Variants in PDE10A observed in about 807,000 individuals in gnomAD.
PDE10A encodes the protein phosphodiesterase 10A.
A neutral mutation model predicts 97.7 loss-of-function variants in PDE10A; 39 were observed. That is an observed-to-expected ratio of 0.40 (90% CI 0.31 to 0.52). PDE10A has a LOEUF of 0.52. Ranked by LOEUF, PDE10A falls within the 20% of genes least tolerant of loss-of-function variation. The probability of loss-of-function intolerance (pLI) is 0.56; values close to 1 mark genes in which losing one functional copy is unlikely to be tolerated. For missense variants in PDE10A, 731 were observed against 1,047.8 expected, an observed-to-expected ratio of 0.70 and a Z score of 4.17; for synonymous variants, 371 against 376.8, an observed-to-expected ratio of 0.98 and a Z score of 0.18.
intron 1 of PDE10A, among the ~76,000 whole-genome samples, chr6:165,804,458 T>C (rs1779062105): frequency 6.6e-6 from 1 of 152,220 alleles, no homozygotes; most frequent in African/African-American, 2.4e-5. Flanking sequence ...AACAAGAATG[T>C]TCACGTCCTT....
At chr6:165,573,068 A>T (rs1166347364) in intron 1 of PDE10A, among the ~76,000 whole-genome samples, 1 of 152,152 alleles carries the variant, frequency 6.6e-6, no homozygotes, top group Non-Finnish European at 1.5e-5. Flanking sequence ...GGCTATTTAG[A>T]TTTTCAGGTC....
Position 165,711,649 on chromosome 6 carries a change from C to T in PDE10A, c.-614-168081G>A, listed in dbSNP as rs80298061. 1.0e-3 allele frequency among the ~76,000 whole-genome samples: 152 copies of T among 152,218 alleles called. No individual in the cohort carries two copies. Among genetic ancestry groups the T allele is most frequent in the African/African-American group, 3.4e-3 (142 of 41,554 alleles). On this transcript the variant is annotated intron_variant, in intron 1 of 19. Coordinates refer to the PDE10A transcript ENST00000366882. This position sits in a 1 kb window ranked among gnomAD's most constrained non-coding sequence, Gnocchi z 4.5. ...AATGAGATGAAGGTAAGAGAAGAAA[C>T]GAAGATGAAAAGTGAGACTCAGGAA...
chr6:165,352,647 GA>G (rs761081382), intron 18 of PDE10A, among the ~76,000 whole-genome samples: 2,034 of 142,694 alleles, frequency 0.014, 14 homozygotes, highest in Admixed American at 0.021. Context: ...ACATCTGCAT[GA>G]AAAAAAAAAA....
chr6:165,567,993 C>CCTTTTTTTTTTTTTTTTTTTTTTT (rs370865492), intron 1 of PDE10A, among the ~76,000 whole-genome samples: 1 of 115,602 alleles, frequency 8.7e-6, no homozygotes, highest in African/African-American at 3.2e-5. Context: ...CGCAACAAGG[C>CCTTTTTTTTTTTTTTTTTTTTTTT]ATTTTTTTTT....
At chr6:165,658,362 C>A (rs1790068612) in intron 1 of PDE10A, among the ~76,000 whole-genome samples, 1 of 152,346 alleles carries the variant, frequency 6.6e-6, no homozygotes, top group Middle Eastern at 3.4e-3. Context: ...TATCCGCAGT[C>A]TGCATTCACC....
intron 1 of PDE10A, among the ~76,000 whole-genome samples, chr6:165,857,184 G>C (rs1001657488): frequency 6.6e-6 from 1 of 152,114 alleles, no homozygotes; most frequent in Non-Finnish European, 1.5e-5. Context: ...GGTTGAGTTT[G>C]CCATCCCAGG....
At chr6:165,880,529 C>T (rs1445212268) in intron 1 of PDE10A, among the ~76,000 whole-genome samples, 1 of 152,202 alleles carries the variant, frequency 6.6e-6, no homozygotes, top group African/African-American at 2.4e-5. Context: ...TTGCCCTGAA[C>T]ACCTCCAGTT....
At chr6:165,742,326 T>A (rs1034407052) in intron 1 of PDE10A, among the ~76,000 whole-genome samples, 1 of 152,172 alleles carries the variant, frequency 6.6e-6, no homozygotes, top group Non-Finnish European at 1.5e-5. Flanking sequence ...CTGTTTCCCG[T>A]CCTTTGCATA....
chr6:165,708,330 C>G, intron 1 of PDE10A, among the ~76,000 whole-genome samples: 1 of 152,112 alleles, frequency 6.6e-6, no homozygotes, highest in East Asian at 1.9e-4. Flanking sequence ...CCCTCTCAGC[C>G]TCACTGTGCC....
rs1562687327 is a variant in PDE10A, at chr6:165,691,203, C to CACACACACACA, written c.-614-147636_-614-147635insTGTGTGTGTGT. Reference sequence around the variant, plus strand: ...TCTCTCTCTCCCTCTCTCTCTCTCCCCACACACACACACACACACACACAC... The same window carrying CACACACACACA: ...TCTCTCTCTCCCTCTCTCTCTCTCCCACACACACACACACACACACACACACACACACACAC... On this transcript the variant is annotated intron_variant, in intron 1 of 19. Transcript: ENST00000366882. Among the ~76,000 whole-genome samples, 133 of 108,648 alleles carry CACACACACACA rather than the reference C, an allele frequency of 1.2e-3. 5 individuals carry two copies. Among genetic ancestry groups the CACACACACACA allele is most frequent in the African/African-American group, 5.7e-3 (127 of 22,222 alleles). The allele number at this position is 108,648 out of a possible 152,430, so 71.3% of individuals were successfully genotyped here.
At chr6:165,422,795 A>C (rs2128233378) in intron 10 of PDE10A, among the ~76,000 whole-genome samples, 3 of 152,272 alleles carry the variant, frequency 2.0e-5, no homozygotes, top group Middle Eastern at 3.4e-3. Flanking sequence ...AATCATTAAA[A>C]CTATACTAAA....
intron 1 of PDE10A, among the ~76,000 whole-genome samples, chr6:165,687,119 C>T (rs1025011034): frequency 1.3e-5 from 2 of 152,238 alleles, no homozygotes; most frequent in Non-Finnish European, 2.9e-5. Flanking sequence ...ATCTCCCTCG[C>T]CTTCGTTTCC....
intron 13 of PDE10A, among the ~76,000 whole-genome samples, chr6:165,399,989 A>G (rs1786514861): frequency 6.6e-6 from 1 of 152,216 alleles, no homozygotes; most frequent in African/African-American, 2.4e-5. Flanking sequence ...AGGGGCACAA[A>G]CGGATCAGTG....
intron 11 of PDE10A, among the ~76,000 whole-genome samples, chr6:165,417,040 A>C (rs953039345): frequency 1.3e-5 from 2 of 152,194 alleles, no homozygotes; most frequent in African/African-American, 4.8e-5. Context: ...TACAAGTCAC[A>C]ATATCTACAT....
chr6:165,348,333 TTATCTGATATCATAGCTTAA>T lies in PDE10A; in HGVS notation c.2784-4851_2784-4832del, dbSNP rs374151233. Among the ~76,000 whole-genome samples, 811 of 152,352 alleles carry T rather than the reference TTATCTGATATCATAGCTTAA, an allele frequency of 5.3e-3. 6 individuals are homozygous for T. Among genetic ancestry groups the T allele is most frequent in the African/African-American group, 0.019 (783 of 41,582 alleles). On this transcript the variant is annotated intron_variant, in intron 18 of 21. Coordinates refer to ENST00000539869, the MANE Select transcript of PDE10A (RefSeq NM_001385079.1). ...CATCTTAATACTTAAAAGGATACTT[TTATCTGATATCATAGCTTAA>T]AACGCACCATGGTCTTTTCTGAATT...
chr6:165,555,572 T>C (rs1562576781), intron 1 of PDE10A, among the ~76,000 whole-genome samples: 2 of 152,218 alleles, frequency 1.3e-5, no homozygotes, highest in Non-Finnish European at 2.9e-5. Context: ...AAGACCATGC[T>C]ACTGTTTTAG....
At chr6:165,986,980 G>T (rs1012832729) in intron 1 of PDE10A, among the ~76,000 whole-genome samples, 22 of 152,150 alleles carry the variant, frequency 1.4e-4, no homozygotes, top group Non-Finnish European at 2.2e-4. Flanking sequence ...GGGAGGTGGG[G>T]GGAGAGAAGA....
intron 1 of PDE10A, among the ~76,000 whole-genome samples, chr6:165,783,853 A>T (rs1778411119): frequency 6.6e-6 from 1 of 152,188 alleles, no homozygotes; most frequent in Non-Finnish European, 1.5e-5. Flanking sequence ...GTAGCTTGAA[A>T]GCCAGGAGTA....
rs535064264 is a variant in PDE10A at position 165,695,342 on chromosome 6, G to C, written c.-614-151774C>G. 7.4e-5 allele frequency among the ~76,000 whole-genome samples: 11 copies of C among 148,374 alleles called. No homozygotes were observed. The South Asian group carries it at 2.2e-3, about 29-fold the overall frequency. On this transcript the variant is annotated intron_variant, in intron 1 of 19. Transcript: ENST00000366882. ...AATCTATCAAAATCTGGTAGGAATGGTGAGAGTCTGTGCTATTTGAGCTAA... is the reference window on the plus strand; with the variant it reads ...AATCTATCAAAATCTGGTAGGAATGCTGAGAGTCTGTGCTATTTGAGCTAA...
Sources: allele counts gnomAD v4.1 joint callset (sites outside exome capture counted in the v4.1 genomes callset), GRCh38; gene constraint gnomAD v4.1.1; non-coding constraint Gnocchi (gnomAD v3.1); transcripts MANE v1.5; gene names NCBI Gene and HGNC (gene_info 2026-07-23, HGNC 2026-07-21).